Variants in ROBO1 observed in about 807,000 individuals in gnomAD.
ROBO1 encodes the protein roundabout homolog 1.
Under a neutral mutation model 195.9 loss-of-function variants are expected in ROBO1, and 149 were observed. That is an observed-to-expected ratio of 0.76 (90% CI 0.67 to 0.87). The LOEUF is 0.87. Ranked by LOEUF, ROBO1 falls within the 40% of genes least tolerant of loss-of-function variation. ROBO1 has a pLI of 0.00. For synonymous variants in ROBO1, 816 were observed against 733.2 expected (o/e 1.11, Z -1.82); for missense variants, 1,933 against 2,068.3 (o/e 0.93, Z 1.27).
At chr3:79,678,713 T>C (rs141434589) in intron 1 of ROBO1, among the ~76,000 whole-genome samples, 64 of 152,232 alleles carry the variant, frequency 4.2e-4, no homozygotes, top group African/African-American at 1.5e-3. Flanking sequence ...AGGCATTTAA[T>C]TTCCAGTACA....
At chr3:78,881,681 AT>A (rs1471745183) in intron 4 of ROBO1, among the ~76,000 whole-genome samples, 1 of 152,130 alleles carries the variant, frequency 6.6e-6, no homozygotes, top group Non-Finnish European at 1.5e-5. Context: ...AAACTGGCAG[AT>A]TTTATTATCG....
intron 2 of ROBO1, among the ~76,000 whole-genome samples, chr3:79,494,429 C>T (rs1266758615): frequency 1.3e-5 from 2 of 151,852 alleles, no homozygotes; most frequent in East Asian, 1.9e-4. Flanking sequence ...CACAAGGAAA[C>T]AAATAAAAGG....
intron 3 of ROBO1, among the ~76,000 whole-genome samples, chr3:79,108,438 G>C (rs1576682465): frequency 1.3e-5 from 2 of 151,470 alleles, no homozygotes; most frequent in South Asian, 4.2e-4. Context: ...ACTTCCATTT[G>C]AATTAAGTTC....
rs969608934 is a variant in ROBO1, at chr3:79,743,888, G to A, written c.-51+23864C>T. 2.6e-5 allele frequency among the ~76,000 whole-genome samples: 4 copies of A among 152,064 alleles called. No homozygotes were observed. In the East Asian group the frequency reaches 5.8e-4, roughly 22 times the overall value. ...CAGAACAATAGCACACGGAGCCGTC[G>A]TCTCTACGGTAACACTGCCTTCTTC... On this transcript the variant is annotated intron_variant, in intron 1 of 30. Coordinates refer to ENST00000464233, the MANE Select transcript of ROBO1 (RefSeq NM_002941.4).
chr3:79,000,361 T>A (rs1201688349), intron 3 of ROBO1, among the ~76,000 whole-genome samples: 1 of 152,182 alleles, frequency 6.6e-6, no homozygotes, highest in African/African-American at 2.4e-5. Flanking sequence ...TTTCTCCCAT[T>A]CTGGAGCTAG....
At chr3:79,679,737 G>C (rs573379015) in intron 1 of ROBO1, among the ~76,000 whole-genome samples, 1 of 152,052 alleles carries the variant, frequency 6.6e-6, no homozygotes, top group African/African-American at 2.4e-5. Flanking sequence ...GAACAAAATT[G>C]CATTTGTACC....
intron 2 of ROBO1, among the ~76,000 whole-genome samples, chr3:79,531,000 A>G (rs1001508973): frequency 3.9e-5 from 6 of 152,106 alleles, no homozygotes; most frequent in African/African-American, 1.4e-4. Flanking sequence ...CTTTGCCTGG[A>G]CATTTTTTCC....
At chr3:78,734,822 G>A (rs2082359145) in intron 5 of ROBO1, among the ~76,000 whole-genome samples, 2 of 152,068 alleles carry the variant, frequency 1.3e-5, no homozygotes, top group South Asian at 4.1e-4. Context: ...ATTATTTGTT[G>A]AACTAGAAAA....
At chr3:79,320,829 T>A (rs1383227558) in intron 2 of ROBO1, among the ~76,000 whole-genome samples, 1 of 152,216 alleles carries the variant, frequency 6.6e-6, no homozygotes, top group African/African-American at 2.4e-5. Context: ...AAGTATTTAA[T>A]TTTAGATGCT....
At chr3:78,776,225 C>T (rs2083500693) in intron 4 of ROBO1, among the ~76,000 whole-genome samples, 1 of 151,144 alleles carries the variant, frequency 6.6e-6, no homozygotes, top group African/African-American at 2.4e-5. Flanking sequence ...CCATCAGACA[C>T]TTGTGAAGAA....
chr3:79,270,821 C>T (rs2030483017), intron 2 of ROBO1, among the ~76,000 whole-genome samples: 1 of 151,900 alleles, frequency 6.6e-6, no homozygotes, highest in East Asian at 1.9e-4. Flanking sequence ...AAGAGAATGG[C>T]TTTTTCGGCT....
chr3:78,737,325 T>C (rs2082415261), intron 5 of ROBO1, among the ~76,000 whole-genome samples: 1 of 152,158 alleles, frequency 6.6e-6, no homozygotes, highest in Admixed American at 6.6e-5. Flanking sequence ...GGAATTGTTA[T>C]GGCATGAGTA....
chr3:78,850,526 T>C (rs1314426111), intron 4 of ROBO1, among the ~76,000 whole-genome samples: 2 of 152,160 alleles, frequency 1.3e-5, no homozygotes, highest in East Asian at 3.9e-4. Flanking sequence ...GTAATAAATG[T>C]CATAGGTAGA....
In ROBO1 at chr3:79,121,645, C is replaced by T. The variant is rs191978735; in HGVS notation, c.172+3811G>A. Among the ~76,000 whole-genome samples, 631 of 152,064 alleles carry T rather than the reference C, an allele frequency of 4.1e-3. 9 individuals carry two copies. Among genetic ancestry groups the T allele is most frequent in the African/African-American group, 0.014 (597 of 41,536 alleles). ...TTTTAGTTTTAAGATTTTAAATTTG[C>T]ATATCACATTTCTTCCAATATTCTA... is the stretch of plus-strand genomic sequence containing the variant. On this transcript the variant is annotated intron_variant, in intron 3 of 30. Coordinates refer to ENST00000464233, the MANE Select transcript of ROBO1 (RefSeq NM_002941.4).
chr3:79,350,785 A>C (rs990199855), intron 2 of ROBO1, among the ~76,000 whole-genome samples: 1 of 152,068 alleles, frequency 6.6e-6, no homozygotes, highest in African/African-American at 2.4e-5. Context: ...TGCTGAGGGG[A>C]TTGGAGAGTA....
chr3:78,689,970 T>A (rs1024260018), intron 8 of ROBO1, among the ~76,000 whole-genome samples: 2 of 149,402 alleles, frequency 1.3e-5, no homozygotes, highest in African/African-American at 4.9e-5. Context: ...TGGTCAGTTG[T>A]ATCTAATATA....
chr3:79,239,821 T>C (rs2082479246), intron 2 of ROBO1, among the ~76,000 whole-genome samples: 1 of 152,196 alleles, frequency 6.6e-6, no homozygotes, highest in African/African-American at 2.4e-5. Flanking sequence ...AGAGTATATA[T>C]CTAATGTATA....
At chr3:79,084,089 T>C (rs897113961) in intron 3 of ROBO1, among the ~76,000 whole-genome samples, 5 of 152,230 alleles carry the variant, frequency 3.3e-5, no homozygotes, top group African/African-American at 1.2e-4. Context: ...TCTAGTTTAT[T>C]GCCTGCAAGC....
chr3:79,500,296 CT>C (rs551354408), intron 2 of ROBO1, among the ~76,000 whole-genome samples: 203 of 151,772 alleles, frequency 1.3e-3, no homozygotes, highest in African/African-American at 4.8e-3. Flanking sequence ...CGCCAGGCTA[CT>C]TTTTGTATTT....
Sources: gnomAD v4.1 joint callset for allele counts (sites outside exome capture counted in the v4.1 genomes callset) on GRCh38, gnomAD v4.1.1 for gene constraint, MANE v1.5 for transcripts, NCBI Gene and HGNC (gene_info 2026-07-23, HGNC 2026-07-21) for gene names.